EPS8: variants seen among roughly 807,000 people sequenced by gnomAD.
EPS8 encodes EGFR pathway substrate 8, signaling adaptor, also known as epidermal growth factor receptor kinase substrate 8.
In EPS8, 42 loss-of-function variants were observed where a neutral mutation model predicts 103.8. The ratio of observed to expected loss-of-function variants is 0.40; its 90% confidence interval spans 0.32 to 0.52. The LOEUF is 0.52. Among genes scored for constraint, EPS8 ranks in the 20% least tolerant of loss-of-function variants. The pLI, the probability that EPS8 is intolerant of heterozygous loss-of-function variation, is 0.40. For missense variants in EPS8, 969 were observed against 1,005.1 expected, an observed-to-expected ratio of 0.96 and a Z score of 0.49; for synonymous variants, 344 against 344.6, an observed-to-expected ratio of 1.00 and a Z score of 0.02.
chr12:15,666,258 T>C (rs1415168255), intron 7 of EPS8, among the ~76,000 whole-genome samples, 182 bp downstream of exon 7: 2 of 152,030 alleles, frequency 1.3e-5, no homozygotes, highest in African/African-American at 2.4e-5. Context: ...AGACCAAAAA[T>C]ATGGAGAGAA....
intron 1 of EPS8, among the ~76,000 whole-genome samples, chr12:15,742,641 A>G (rs1946836825): frequency 6.6e-6 from 1 of 152,226 alleles, no homozygotes; most frequent in South Asian, 2.1e-4. Flanking sequence ...CAGCATTTAA[A>G]CAGAACCAAA....
chr12:15,729,716 T>G (rs1946692808), intron 1 of EPS8, among the ~76,000 whole-genome samples: 1 of 152,226 alleles, frequency 6.6e-6, no homozygotes, highest in Non-Finnish European at 1.5e-5. Flanking sequence ...TGTTATCTTC[T>G]CAATGTTGGA....
At position 15,781,304 on chromosome 12, in the gene EPS8, A is replaced by G. The variant is rs1419983401; in HGVS notation, c.-22+7857T>C. Reference sequence around the variant, plus strand: ...TTGAGCAAGTATATAGCACAGTATTAAATAAAAGAATGTAATTAAGGACAC... The same window carrying G: ...TTGAGCAAGTATATAGCACAGTATTGAATAAAAGAATGTAATTAAGGACAC... On this transcript the variant is annotated intron_variant, in intron 1 of 20. Transcript: ENST00000281172. This position sits in a 1 kb window ranked among gnomAD's most constrained non-coding sequence, Gnocchi z 4.1. Among the ~76,000 whole-genome samples, 1 of 152,172 alleles carries G rather than the reference A, an allele frequency of 6.6e-6. No homozygotes were observed. Among genetic ancestry groups the G allele is most frequent in the African/African-American group, 2.4e-5 (1 of 41,440 alleles).
chr12:15,781,111 A>C lies in EPS8; in HGVS notation c.-22+8050T>G, dbSNP rs561686385. Reference sequence around the variant, plus strand: ...GCTTTATTTTGTCTAATTCCCCACAAATGTTTCTTTTTAAAAGATCCTCAT... The same window carrying C: ...GCTTTATTTTGTCTAATTCCCCACACATGTTTCTTTTTAAAAGATCCTCAT... On this transcript the variant is annotated intron_variant, in intron 1 of 20. Transcript: ENST00000281172. The surrounding 1 kb of genome is among the most constrained non-coding windows in gnomAD (Gnocchi z 4.1). 6.6e-6 allele frequency among the ~76,000 whole-genome samples: 1 copy of C among 152,164 alleles called. No individual in the cohort carries two copies. Among genetic ancestry groups the C allele is most frequent in the Non-Finnish European group, 1.5e-5 (1 of 68,026 alleles).
intron 3 of EPS8, among the ~76,000 whole-genome samples, chr12:15,677,413 C>G (rs188677194): frequency 5.3e-5 from 8 of 152,108 alleles, no homozygotes. Flanking sequence ...AGTGTCAGAC[C>G]TGAAAAGTGT....
Position 15,748,464 on chromosome 12 carries a change from T to A in EPS8, c.-22+40697A>T, listed in dbSNP as rs997334182. Among the ~76,000 whole-genome samples, 13 of 152,092 alleles carry A rather than the reference T, an allele frequency of 8.5e-5. No individual in the cohort carries two copies. The highest frequency in any genetic ancestry group is 1.5e-4 in the Non-Finnish European group (10 of 68,006). ...GGTTTTTACACATCTTGTTTTTTTT[T>A]AAAGTAGGACACACAAAACTCTACA... On this transcript the variant is annotated intron_variant, in intron 1 of 20. Coordinates refer to ENST00000281172, the MANE Select transcript of EPS8 (RefSeq NM_004447.6). The surrounding 1 kb of genome is among the most constrained non-coding windows in gnomAD (Gnocchi z 4.8).
intron 17 of EPS8, among the ~76,000 whole-genome samples, chr12:15,636,571 A>G (rs976275398): frequency 3.3e-5 from 5 of 152,210 alleles, no homozygotes; most frequent in African/African-American, 1.2e-4. Flanking sequence ...CTCTGATAAA[A>G]AGTGTGTGAA....
rs912735179 is a variant in EPS8, at chr12:15,714,758, A to G, written c.-21-31786T>C. ...TACATTCTCTGTATAGTGCACTCAG[A>G]GTTTTCATCAGGTTTCTATAACTTT... On this transcript the variant is annotated intron_variant, in intron 1 of 20. Transcript: ENST00000281172. This position sits in a 1 kb window ranked among gnomAD's most constrained non-coding sequence, Gnocchi z 4.1. 6.6e-6 allele frequency among the ~76,000 whole-genome samples: 1 copy of G among 152,176 alleles called. No homozygotes were observed. The highest frequency in any genetic ancestry group is 2.4e-5 in the African/African-American group (1 of 41,434).
rs1218723235 is a variant in EPS8 at position 15,704,661 on chromosome 12, G to GT, written c.-21-21690_-21-21689insA. On this transcript the variant is annotated intron_variant, in intron 1 of 20. Transcript: ENST00000281172. The surrounding 1 kb of genome is among the most constrained non-coding windows in gnomAD (Gnocchi z 4.6). ...CTCCTAGAGATGGATGGTCATGATG[G>GT]CTGCACAACAATGTGAATACACTTA... Among the ~76,000 whole-genome samples, 1 of 152,142 alleles carries GT rather than the reference G, an allele frequency of 6.6e-6. No individual in the cohort carries two copies. The highest frequency in any genetic ancestry group is 1.9e-4 in the East Asian group (1 of 5,200).
Position 15,702,748 on chromosome 12 carries a change from A to C in EPS8, c.-21-19776T>G, listed in dbSNP as rs1377754375. 1.3e-5 allele frequency among the ~76,000 whole-genome samples: 2 copies of C among 152,222 alleles called. No individual in the cohort carries two copies. Among genetic ancestry groups the C allele is most frequent in the African/African-American group, 4.8e-5 (2 of 41,452 alleles). On this transcript the variant is annotated intron_variant, in intron 1 of 20. Coordinates refer to ENST00000281172, the MANE Select transcript of EPS8 (RefSeq NM_004447.6). This position sits in a 1 kb window ranked among gnomAD's most constrained non-coding sequence, Gnocchi z 5.1. Reference sequence around the variant, plus strand: ...TTAATATTTTACCTATATCCAATACATATATATCCAGTATATTAATAATAG... The same window carrying C: ...TTAATATTTTACCTATATCCAATACCTATATATCCAGTATATTAATAATAG...
chr12:15,625,949 T>C (rs925461186), intron 18 of EPS8, among the ~76,000 whole-genome samples: 4 of 152,206 alleles, frequency 2.6e-5, no homozygotes, highest in African/African-American at 9.6e-5. Flanking sequence ...GATATATTCA[T>C]TTGGGTATTT....
intron 12 of EPS8, among the ~76,000 whole-genome samples, chr12:15,655,616 A>C (rs1054666021): frequency 6.6e-6 from 1 of 152,238 alleles, no homozygotes; most frequent in Non-Finnish European, 1.5e-5. Context: ...TTTCCAATAA[A>C]TATGTAGCAA....
intron 15 of EPS8, among the ~76,000 whole-genome samples, chr12:15,644,827 T>A (rs7310467): frequency 0.08 from 12,188 of 152,196 alleles, 1,095 homozygotes; most frequent in African/African-American, 0.23. Flanking sequence ...ATTCCAAACC[T>A]CTGTGTATTT....
intron 8 of EPS8, among the ~76,000 whole-genome samples, chr12:15,663,147 T>A (rs570200575): frequency 1.2e-4 from 19 of 152,320 alleles, no homozygotes; most frequent in African/African-American, 4.6e-4. Context: ...GCTACCTTGG[T>A]TGTAGTGGAC....
chr12:15,671,411 T>C (rs1945815766), intron 3 of EPS8, among the ~76,000 whole-genome samples: 1 of 152,096 alleles, frequency 6.6e-6, no homozygotes, highest in African/African-American at 2.4e-5. Flanking sequence ...ATTGGGATAG[T>C]GTTAGAGGAG....
At chr12:15,710,642 A>G (rs888232493) in intron 1 of EPS8, among the ~76,000 whole-genome samples, 4 of 152,220 alleles carry the variant, frequency 2.6e-5, no homozygotes, top group African/African-American at 9.6e-5. Flanking sequence ...TAACCGACGT[A>G]TAATTTCTTC....
rs200128648 is a variant in EPS8 at position 15,640,767 on chromosome 12, T to C, written c.1757A>G (p.Asp586Gly). ...TCCAGATTCTGGAGGTCTCACAATA[T>C]CCAAAATGTTATTTGGCACAAATCC... is the stretch of plus-strand genomic sequence containing the variant. ...DSGFVPNNILDIVRPPESGLG... is the reference protein window; with the variant it reads ...DSGFVPNNILGIVRPPESGLG... Residue 586 changes from aspartate to glycine, a missense_variant, in exon 17 of 21, where the codon GAT (aspartate) becomes GGT (glycine). Transcript: ENST00000281172. The C allele has an allele frequency of 4.9e-5, 79 of 1,613,958 alleles. No homozygotes were observed. Among genetic ancestry groups the C allele is most frequent in the Non-Finnish European group, 6.5e-5 (77 of 1,179,860 alleles).
In EPS8 at chr12:15,768,790, A is replaced by G. The variant is rs149105183; in HGVS notation, c.-22+20371T>C. Among the ~76,000 whole-genome samples the G allele has an allele frequency of 1.5e-3, 222 of 152,302 alleles. 1 individual carries two copies. The highest frequency in any genetic ancestry group is 5.1e-3 in the African/African-American group (213 of 41,560). On this transcript the variant is annotated intron_variant, in intron 1 of 20. Coordinates refer to ENST00000281172, the MANE Select transcript of EPS8 (RefSeq NM_004447.6). Reference sequence around the variant, plus strand: ...CATATATGAAGTCATCTTAAGATTAATATCAAGGAAAACATGATACAATAC... The same window carrying G: ...CATATATGAAGTCATCTTAAGATTAGTATCAAGGAAAACATGATACAATAC...
At chr12:15,640,648 A>T in intron 17 of EPS8, 55 bp downstream of exon 17, 1 of 1,508,430 alleles carries the variant, frequency 6.6e-7, no homozygotes, top group Non-Finnish European at 9.1e-7. Context: ...CCTACTTAAG[A>T]GTGATAACTT....
Sources: allele counts gnomAD v4.1 joint callset (sites outside exome capture counted in the v4.1 genomes callset), GRCh38; gene constraint gnomAD v4.1.1; non-coding constraint Gnocchi (gnomAD v3.1); transcripts MANE v1.5; gene names NCBI Gene and HGNC (gene_info 2026-07-23, HGNC 2026-07-21).